The following PARP14 variants were observed in gnomAD, a reference collection of about 807,000 sequenced individuals.
PARP14 encodes the protein poly(ADP-ribose) polymerase family member 14, also known as protein mono-ADP-ribosyltransferase PARP14.
In PARP14, 59 loss-of-function variants were observed where a neutral mutation model predicts 154.2. The ratio of observed to expected loss-of-function variants is 0.38; its 90% CI spans 0.31 to 0.48. The LOEUF is 0.48. Ranked by LOEUF, PARP14 falls within the 20% of genes least tolerant of loss-of-function variation. The probability of loss-of-function intolerance (pLI) is 0.98; values close to 1 mark genes in which losing one functional copy is unlikely to be tolerated. For synonymous variants in PARP14, 720 were observed against 780.5 expected (o/e 0.92, Z 1.29); for missense variants, 1,734 against 2,131.6 (o/e 0.81, Z 3.67).
chr3:122,718,128 A>T lies in PARP14; in HGVS notation c.4058A>T (p.Asp1353Val). The T allele has an allele frequency of 6.2e-7, 1 of 1,613,894 alleles. No homozygotes were observed. Among genetic ancestry groups the T allele is most frequent in the Non-Finnish European group, 8.5e-7 (1 of 1,179,858 alleles). Residue 1353 changes from aspartate (D) to valine (V), a missense_variant, in exon 13 of 17, where the codon GAC becomes GTC. Coordinates refer to ENST00000474629, the MANE Select transcript of PARP14 (RefSeq NM_017554.3). The stretch of plus-strand genomic sequence containing the variant: ...GAAGCCATAATTGATGCCATTGAAG[A>T]CTTTGTCCAGAAAGGATCAGCCCAG... ...VAEAIIDAIE[D>V]FVQKGSAQSV...
At chr3:122,696,263 G>C (rs1031798513) in intron 5 of PARP14, among the ~76,000 whole-genome samples, 6 of 152,188 alleles carry the variant, frequency 3.9e-5, no homozygotes, top group African/African-American at 1.4e-4. Flanking sequence ...GGTTCCACTT[G>C]TGTTCAGAAG....
intron 15 of PARP14, chr3:122,720,764 T>C (rs537816561): frequency 4.4e-6 from 2 of 459,648 alleles, no homozygotes; most frequent in Admixed American, 2.3e-5. Context: ...TATTCACAGA[T>C]CAACAGTGCT....
At chr3:122,695,076 G>T (rs1325111642) in intron 4 of PARP14, among the ~76,000 whole-genome samples, 1 of 152,230 alleles carries the variant, frequency 6.6e-6, no homozygotes, top group Non-Finnish European at 1.5e-5. Context: ...CCTGGCTGAG[G>T]AGTGTCAACG....
In PARP14 at chr3:122,700,809, A is replaced by G. The variant is rs1181086298; in HGVS notation, c.2255A>G (p.Gln752Arg). Residue 752 changes from glutamine (Q) to arginine (R), a missense_variant, in exon 6 of 17, where the codon CAG (glutamine) becomes CGG (arginine). Gln to Arg is a conservative substitution (Grantham distance 43). Coordinates refer to ENST00000474629, the MANE Select transcript of PARP14 (RefSeq NM_017554.3). ...CATACTGATAAGCCAGGAGCCAAGC[A>G]GTTCTTCCAGGATAAAGCACGGTTT... Reference protein sequence around the residue: ...SVHTDKPGAKQFFQDKARFYQ... With the variant: ...SVHTDKPGAKRFFQDKARFYQ... 5.6e-6 allele frequency: 9 copies of G among 1,613,836 alleles called. No homozygotes were observed. The highest frequency in any genetic ancestry group is 7.6e-6 in the Non-Finnish European group (9 of 1,179,852).
chr3:122,693,067 T>C (rs1358993684), intron 4 of PARP14, among the ~76,000 whole-genome samples: 1 of 152,230 alleles, frequency 6.6e-6, no homozygotes, highest in Non-Finnish European at 1.5e-5. Context: ...TTGATCCCCA[T>C]GTTACAGTTG....
chr3:122,725,471 G>A (rs1933266353), intron 15 of PARP14, among the ~76,000 whole-genome samples: 1 of 152,140 alleles, frequency 6.6e-6, no homozygotes, highest in South Asian at 2.1e-4. Flanking sequence ...GTCATTTTGT[G>A]TACAAAATGA....
chr3:122,728,246 G>A lies in PARP14; in HGVS notation c.5117-62G>A, dbSNP rs1012881589. On this transcript the variant is annotated intron_variant, in intron 16 of 16. Transcript: ENST00000474629. The stretch of plus-strand genomic sequence containing the variant: ...TAGAAAGAACATTATTTAACAGATT[G>A]GGCCAACATATCAAATTTTACATTA... 6.5e-6 allele frequency: 9 copies of A among 1,384,008 alleles called. No homozygotes were observed. The African/African-American group carries it at 1.1e-4, about 18-fold the overall frequency. The allele number at this position is 1,384,008 out of a possible 1,614,324, so 85.7% of individuals were successfully genotyped here.
At chr3:122,702,166 T>G (rs1427486837) in intron 6 of PARP14, among the ~76,000 whole-genome samples, 14 of 152,152 alleles carry the variant, frequency 9.2e-5, no homozygotes, top group Admixed American at 9.2e-4. Context: ...GGGACAATTC[T>G]TGTAGGCTGC....
At chr3:122,697,005 G>A (rs1044669073) in intron 5 of PARP14, among the ~76,000 whole-genome samples, 12 of 152,126 alleles carry the variant, frequency 7.9e-5, no homozygotes, top group African/African-American at 2.9e-4. Context: ...AGGCTGGAGT[G>A]CAGTGGCATG....
chr3:122,728,413 T>A lies in PARP14; in HGVS notation c.5222T>A (p.Val1741Glu). ...DANGRKHVYY[V>E]RVLTGIYTHG... is the part of the protein sequence containing the mutation. ...AATGGGAGAAAGCATGTGTATTATG[T>A]GCGAGTACTTACTGGAATCTATACA... is the stretch of plus-strand genomic sequence containing the variant. Residue 1741 changes from valine to glutamate, a missense_variant, in exon 17 of 17, where the codon GTG becomes GAG. Val to Glu is a moderately radical substitution (Grantham distance 121). This residue lies in a region of PARP14 where 88 missense variants were observed against 155.6 expected (regional missense o/e 0.57). Coordinates refer to ENST00000474629, the MANE Select transcript of PARP14 (RefSeq NM_017554.3). 6.2e-7 allele frequency: 1 copy of A among 1,613,934 alleles called. No individual in the cohort carries two copies. Among genetic ancestry groups the A allele is most frequent in the Non-Finnish European group, 8.5e-7 (1 of 1,179,798 alleles).
rs1933130279 is a variant in PARP14 at position 122,720,280 on chromosome 3, T to C, written c.4833T>C (p.Asp1611=). 1.2e-6 allele frequency: 2 copies of C among 1,613,316 alleles called. No individual in the cohort carries two copies. The highest frequency in any genetic ancestry group is 1.7e-6 in the Non-Finnish European group (2 of 1,179,690). ...TTGACATCCCTGCACACTGGAGTGATATGAAGCAGCAGAATTTCTGTGTGG... is the reference window on the plus strand; with the variant it reads ...TTGACATCCCTGCACACTGGAGTGACATGAAGCAGCAGAATTTCTGTGTGG... ...SKVDIPAHWS[D]MKQQNFCVVE... The change falls in exon 15 of 17, where the codon GAT becomes GAC. Residue 1611 remains aspartate (D), a synonymous_variant. Coordinates refer to ENST00000474629, the MANE Select transcript of PARP14 (RefSeq NM_017554.3).
chr3:122,700,696 C>A lies in PARP14; in HGVS notation c.2142C>A (p.Gly714=). ...TCAATCCTGAGAACAAACAAAAAGG[C>A]ATTTTACTAACTGGCTCAAAGACCG... is the stretch of plus-strand genomic sequence containing the variant. ...VSFNPENKQK[G]ILLTGSKTEV... Residue 714 remains glycine (G), a synonymous_variant, in exon 6 of 17, where the codon GGC becomes GGA. Transcript: ENST00000474629. The A allele has an allele frequency of 6.2e-7, 1 of 1,611,238 alleles. No individual in the cohort carries two copies.
At chr3:122,702,705 A>C (rs1325232449) in intron 6 of PARP14, among the ~76,000 whole-genome samples, 1 of 152,088 alleles carries the variant, frequency 6.6e-6, no homozygotes, top group Non-Finnish European at 1.5e-5. Context: ...TAACCATTGC[A>C]CTCTTTCAAA....
chr3:122,700,853 C>A lies in PARP14; in HGVS notation c.2299C>A (p.Arg767=), dbSNP rs370635884. The change falls in exon 6 of 17, where the codon CGG becomes AGG. Residue 767 remains arginine, a synonymous_variant. Transcript: ENST00000474629. ...ACGGTTTTATCAAAGTGAGATCAAA[C>A]GGTTGTTTGGTTGTTACATTGAACT... ...KARFYQSEIK[R]LFGCYIELQE... 3 of 1,613,972 alleles carry A rather than the reference C, an allele frequency of 1.9e-6. No homozygotes were observed. In the South Asian group the frequency reaches 3.3e-5, roughly 18 times the overall value.
At chr3:122,687,191 G>A (rs1938399610) in intron 3 of PARP14, 78 bp downstream of exon 3, 12 of 995,066 alleles carry the variant, frequency 1.2e-5, no homozygotes, top group South Asian at 1.1e-4. Flanking sequence ...GAGGGAGTCA[G>A]CCCTCTCTTC....
rs759308888 is a variant in PARP14 at position 122,701,523 on chromosome 3, G to T, written c.2969G>T (p.Gly990Val). ...CTGCCAGATACAGCTGCCCCGCCAGGTTTACCACCAGCAGCAGCGGGGCCT... is the reference window on the plus strand; with the variant it reads ...CTGCCAGATACAGCTGCCCCGCCAGTTTTACCACCAGCAGCAGCGGGGCCT... Reference protein sequence around the residue: ...ATLPDTAAPPGLPPAAAGPGK... With the variant: ...ATLPDTAAPPVLPPAAAGPGK... The change falls in exon 6 of 17, where the codon GGT becomes GTT. Residue 990 changes from glycine to valine, a missense_variant. By Grantham distance (109) the Gly-to-Val change is moderately radical (BLOSUM62 -3). Transcript: ENST00000474629. The surrounding 1 kb of genome is among the most constrained non-coding windows in gnomAD (Gnocchi z 4.0). 1.2e-6 allele frequency: 2 copies of T among 1,613,028 alleles called. No homozygotes were observed. Among genetic ancestry groups the T allele is most frequent in the Non-Finnish European group, 1.7e-6 (2 of 1,179,472 alleles).
rs569818510 is a variant in PARP14, at chr3:122,703,213, T to A, written c.3082-529T>A. Among the ~76,000 whole-genome samples, 9 of 152,236 alleles carry A rather than the reference T, an allele frequency of 5.9e-5. No homozygotes were observed. In the East Asian group the frequency reaches 1.7e-3, roughly 29 times the overall value. ...ATCTAGCCCGATTAATCTGCTCACATTCACTGATGAAAAAGCTTCCGGGGC... is the reference window on the plus strand; with the variant it reads ...ATCTAGCCCGATTAATCTGCTCACAATCACTGATGAAAAAGCTTCCGGGGC... On this transcript the variant is annotated intron_variant, in intron 6 of 16. Coordinates refer to ENST00000474629, the MANE Select transcript of PARP14 (RefSeq NM_017554.3).
In PARP14 at chr3:122,698,524, T is replaced by C. The variant is rs116604394; in HGVS notation, c.836-866T>C. Among the ~76,000 whole-genome samples, 1,068 of 152,224 alleles carry C rather than the reference T, an allele frequency of 7.0e-3. 5 individuals are homozygous for C. Among genetic ancestry groups the C allele is most frequent in the African/African-American group, 0.022 (924 of 41,538 alleles). On this transcript the variant is annotated intron_variant, in intron 5 of 16. Transcript: ENST00000474629. ...GCTCTCAGAGGACAGTGATGATAAC[T>C]TGGATTTGGTAGAGGGGCAAGAGGA...
intron 16 of PARP14, 25 bp downstream of exon 16, chr3:122,728,011 C>T: frequency 1.9e-6 from 3 of 1,593,618 alleles, no homozygotes; most frequent in Non-Finnish European, 2.6e-6. Context: ...AATCTGGCTG[C>T]TTGGAATGAG....
Sources: allele counts gnomAD v4.1 joint callset (sites outside exome capture counted in the v4.1 genomes callset), GRCh38; gene constraint gnomAD v4.1.1; regional missense constraint gnomAD v4.1.1; non-coding constraint Gnocchi (gnomAD v3.1); transcripts MANE v1.5; gene names NCBI Gene and HGNC (gene_info 2026-07-23, HGNC 2026-07-21).